Variants in PPARD observed in about 807,000 individuals in gnomAD.
The protein encoded by PPARD is peroxisome proliferator activated receptor delta.
Under a neutral mutation model 39.5 loss-of-function variants are expected in PPARD, and 6 were observed. That is an observed-to-expected ratio of 0.15 (90% CI 0.08 to 0.30). The LOEUF (loss-of-function observed/expected upper bound fraction) is 0.30. Ranked by LOEUF, PPARD falls within the 10% of genes least tolerant of loss-of-function variation. The probability of loss-of-function intolerance (pLI) is 1.00; values close to 1 mark genes in which losing one functional copy is unlikely to be tolerated. For synonymous variants in PPARD, 210 were observed against 231.3 expected, an observed-to-expected ratio of 0.91 and a Z score of 0.83; for missense variants, 397 against 596.8, an observed-to-expected ratio of 0.67 and a Z score of 3.49.
At position 35,401,699 on chromosome 6, in the gene PPARD, T is replaced by C. The variant is rs768562694; in HGVS notation, c.-101-9288T>C. ...CTCCTGGCCACTCGCACCTGACTCA[T>C]GTGCTCTGAGTGCCACACCTTGCTT... On this transcript the variant is annotated intron_variant, in intron 2 of 7. Coordinates refer to ENST00000360694, the MANE Select transcript of PPARD (RefSeq NM_006238.5). The surrounding 1 kb of genome is among the most constrained non-coding windows in gnomAD (Gnocchi z 4.1). Among the ~76,000 whole-genome samples the C allele has an allele frequency of 8.5e-5, 13 of 152,162 alleles. No individual in the cohort carries two copies. Among genetic ancestry groups the C allele is most frequent in the Non-Finnish European group, 1.6e-4 (11 of 67,998 alleles).
chr6:35,423,854 G>C (rs1192240030), intron 5 of PPARD, 92 bp from the exon 6 acceptor site: 1 of 1,285,512 alleles, frequency 7.8e-7, no homozygotes, highest in East Asian at 2.4e-5. Flanking sequence ...GGCTCCAAAA[G>C]GATTTGGCCC....
chr6:35,372,209 G>A (rs990819351), intron 2 of PPARD, among the ~76,000 whole-genome samples: 9 of 152,100 alleles, frequency 5.9e-5, no homozygotes, highest in African/African-American at 1.9e-4. Context: ...ACGGAGTCTC[G>A]CTCTGTTGCC....
At chr6:35,397,719 A>G in intron 2 of PPARD, 1 of 189,480 alleles carries the variant, frequency 5.3e-6, no homozygotes. Flanking sequence ...GGGAAGAGAC[A>G]AGCACTAAAC....
chr6:35,362,679 T>C (rs1437768395), intron 2 of PPARD, among the ~76,000 whole-genome samples: 1 of 151,804 alleles, frequency 6.6e-6, no homozygotes, highest in Non-Finnish European at 1.5e-5. Flanking sequence ...GCTGCGTGGG[T>C]GATGGGTTGG....
At chr6:35,413,660 G>A (rs1765570156) in intron 3 of PPARD, among the ~76,000 whole-genome samples, 1 of 151,736 alleles carries the variant, frequency 6.6e-6, no homozygotes, top group Admixed American at 6.6e-5. Flanking sequence ...GGTAGTGTGG[G>A]CCAACACTTC....
intron 3 of PPARD, among the ~76,000 whole-genome samples, chr6:35,416,592 C>A (rs1024534042): frequency 6.6e-6 from 1 of 152,042 alleles, no homozygotes; most frequent in Non-Finnish European, 1.5e-5. Context: ...TGAGGTTTTA[C>A]GTGAGATGAA....
In PPARD at chr6:35,367,827, G is replaced by A. The variant is rs115174352; in HGVS notation, c.-102+20677G>A. ...TGGAAGCCAGTCGTGTTGAGGCCTG[G>A]GCTCACGTCCCAGAACATCACCTCA... is the stretch of plus-strand genomic sequence containing the variant. On this transcript the variant is annotated intron_variant, in intron 2 of 7. Transcript: ENST00000360694. 2.8e-3 allele frequency among the ~76,000 whole-genome samples: 423 copies of A among 152,286 alleles called. 3 individuals carry two copies. Among genetic ancestry groups the A allele is most frequent in the African/African-American group, 9.5e-3 (393 of 41,560 alleles).
At chr6:35,408,827 C>A (rs943075530) in intron 2 of PPARD, among the ~76,000 whole-genome samples, 2 of 152,224 alleles carry the variant, frequency 1.3e-5, no homozygotes, top group African/African-American at 4.8e-5. Flanking sequence ...TGTACAGAGT[C>A]CCCACATATC....
At chr6:35,382,085 T>G (rs1262562015) in intron 2 of PPARD, among the ~76,000 whole-genome samples, 1 of 152,206 alleles carries the variant, frequency 6.6e-6, no homozygotes, top group African/African-American at 2.4e-5. Context: ...TTGTTGTTGT[T>G]GGGGTTTGTT....
At chr6:35,422,958 C>G (rs1164758479) in intron 5 of PPARD, among the ~76,000 whole-genome samples, 1 of 144,220 alleles carries the variant, frequency 6.9e-6, no homozygotes. Flanking sequence ...TGGCTCACAC[C>G]TGTAATCCCA....
intron 2 of PPARD, among the ~76,000 whole-genome samples, chr6:35,357,881 C>G (rs1251757742): frequency 6.6e-6 from 1 of 152,122 alleles, no homozygotes; most frequent in Admixed American, 6.6e-5. Flanking sequence ...AAGAAAGACC[C>G]TGGCCTGGGG....
intron 2 of PPARD, among the ~76,000 whole-genome samples, chr6:35,380,366 C>T (rs946722501): frequency 6.6e-6 from 1 of 151,512 alleles, no homozygotes; most frequent in East Asian, 1.9e-4. Flanking sequence ...TGATGTCTCA[C>T]CTCCCTTCTA....
chr6:35,376,581 G>C (rs1762825689), intron 2 of PPARD, among the ~76,000 whole-genome samples: 3 of 152,106 alleles, frequency 2.0e-5, no homozygotes, highest in Admixed American at 2.0e-4. Context: ...CCTCAGAGCA[G>C]CTTGTTTGCC....
chr6:35,419,613 A>G (rs1294692719), intron 3 of PPARD, among the ~76,000 whole-genome samples: 1 of 152,214 alleles, frequency 6.6e-6, no homozygotes, highest in Non-Finnish European at 1.5e-5. Flanking sequence ...CTATGCAAGA[A>G]TAGAACTTCC....
chr6:35,346,644 G>A (rs181129490), intron 1 of PPARD, among the ~76,000 whole-genome samples: 52 of 152,260 alleles, frequency 3.4e-4, no homozygotes, highest in South Asian at 1.2e-3. Flanking sequence ...AGACATATGG[G>A]TCTTCTTCCT....
At chr6:35,351,329 A>T (rs1761237808) in intron 2 of PPARD, among the ~76,000 whole-genome samples, 1 of 152,114 alleles carries the variant, frequency 6.6e-6, no homozygotes, top group African/African-American at 2.4e-5. Flanking sequence ...CAGTCCCTTT[A>T]GATTCTTAAA....
chr6:35,379,680 T>A (rs1763029849), intron 2 of PPARD, among the ~76,000 whole-genome samples: 1 of 152,224 alleles, frequency 6.6e-6, no homozygotes, highest in Non-Finnish European at 1.5e-5. Flanking sequence ...TTTGACAACT[T>A]GGTGCTTTTG....
chr6:35,399,479 G>A (rs2030095307), intron 2 of PPARD, among the ~76,000 whole-genome samples: 2 of 151,178 alleles, frequency 1.3e-5, no homozygotes, highest in South Asian at 4.2e-4. Context: ...GCCAAGGCGG[G>A]AGGATCACTT....
rs540687692 is a variant in PPARD, at chr6:35,377,871, C to CTTTTTTTTTTTTTTTTTTTTTTTTTTT, written c.-102+30732_-102+30733insTTTTTTTTTTTTTTTTTTTTTTTTTTT. On this transcript the variant is annotated intron_variant, in intron 2 of 7. Transcript: ENST00000360694. ...TGTGGGTCGCTGCTTGTTTACGTAT[C>CTTTTTTTTTTTTTTTTTTTTTTTTTTT]TTTTTTTTTTTGAGACAGAGTGTTG... is the stretch of plus-strand genomic sequence containing the variant. 4.0e-3 allele frequency among the ~76,000 whole-genome samples: 485 copies of CTTTTTTTTTTTTTTTTTTTTTTTTTTT among 120,150 alleles called. 30 individuals are homozygous for CTTTTTTTTTTTTTTTTTTTTTTTTTTT. Among genetic ancestry groups the CTTTTTTTTTTTTTTTTTTTTTTTTTTT allele is most frequent in the East Asian group, 0.025 (85 of 3,460 alleles). 78.8% of individuals were successfully genotyped at this position (120,150 alleles called of 152,430 possible). A position where few individuals can be genotyped will look rare whatever the true frequency, so the allele number is the denominator to read the frequency against.
Sources: gnomAD v4.1 joint callset for allele counts (sites outside exome capture counted in the v4.1 genomes callset) on GRCh38, gnomAD v4.1.1 for gene constraint, Gnocchi (gnomAD v3.1) non-coding constraint, MANE v1.5 for transcripts, NCBI Gene and HGNC (gene_info 2026-07-23, HGNC 2026-07-21) for gene names.